PDE10A: variants seen among roughly 807,000 people sequenced by gnomAD.
The protein encoded by PDE10A is cAMP and cAMP-inhibited cGMP 3',5'-cyclic phosphodiesterase 10A.
In PDE10A, 39 loss-of-function variants were observed where a neutral mutation model predicts 97.7. That is an observed-to-expected ratio of 0.40 (90% CI 0.31 to 0.52). The LOEUF is 0.52. PDE10A is among the 20% of genes least tolerant of loss of function. The probability of loss-of-function intolerance (pLI) is 0.56; values close to 1 mark genes in which losing one functional copy is unlikely to be tolerated. For missense variants in PDE10A, 731 were observed against 1,047.8 expected, an observed-to-expected ratio of 0.70 and a Z score of 4.17; for synonymous variants, 371 against 376.8, an observed-to-expected ratio of 0.98 and a Z score of 0.18.
At chr6:165,653,354 G>A (rs762843441) in intron 1 of PDE10A, among the ~76,000 whole-genome samples, 1 of 152,198 alleles carries the variant, frequency 6.6e-6, no homozygotes, top group Non-Finnish European at 1.5e-5. Context: ...GCACCAGCAA[G>A]GATGGAAGCA....
chr6:165,733,920 T>C (rs1057132874), intron 1 of PDE10A, among the ~76,000 whole-genome samples: 1 of 152,026 alleles, frequency 6.6e-6, no homozygotes, highest in African/African-American at 2.4e-5. Flanking sequence ...CCTCTAGTTA[T>C]GGTTACACCT....
intron 1 of PDE10A, among the ~76,000 whole-genome samples, chr6:165,757,706 CTT>C (rs1793149755): frequency 6.6e-6 from 1 of 152,004 alleles, no homozygotes; most frequent in African/African-American, 2.4e-5. Context: ...TATAGTATGT[CTT>C]TGTGATTCTG....
At chr6:165,341,605 A>AC (rs1444526916) in intron 19 of PDE10A, among the ~76,000 whole-genome samples, 3 of 152,076 alleles carry the variant, frequency 2.0e-5, no homozygotes, top group Non-Finnish European at 4.4e-5. Flanking sequence ...CGATCCTTAC[A>AC]CGGGATTCAT....
intron 21 of PDE10A, among the ~76,000 whole-genome samples, chr6:165,333,469 CGT>C (rs1443728710): frequency 2.0e-5 from 3 of 152,078 alleles, no homozygotes; most frequent in African/African-American, 7.2e-5. Flanking sequence ...TACGCGGGAT[CGT>C]GCAAAGGAGG....
intron 1 of PDE10A, among the ~76,000 whole-genome samples, chr6:165,837,199 T>TAA (rs201737058): frequency 1.6e-4 from 21 of 128,100 alleles, no homozygotes; most frequent in African/African-American, 6.9e-4. Flanking sequence ...TAAAGTATAA[T>TAA]AAAAAAAAAA....
chr6:165,754,321 T>C (rs1431791629), intron 1 of PDE10A: 1 of 152,194 alleles, frequency 6.6e-6, no homozygotes. Flanking sequence ...AACACAGATT[T>C]GGAAACATCT....
intron 1 of PDE10A, among the ~76,000 whole-genome samples, chr6:165,643,629 T>C (rs986177032): frequency 1.3e-5 from 2 of 152,152 alleles, no homozygotes; most frequent in South Asian, 2.1e-4. Context: ...TCGCTTATAT[T>C]TGGAACTTTT....
intron 1 of PDE10A, among the ~76,000 whole-genome samples, chr6:165,794,137 ACACT>A (rs1247566343): frequency 3.3e-4 from 50 of 151,004 alleles, no homozygotes; most frequent in Admixed American, 1.5e-3. Flanking sequence ...ACACACGCTC[ACACT>A]CACTCACACA....
intron 1 of PDE10A, among the ~76,000 whole-genome samples, chr6:165,544,054 G>A (rs1389621134): frequency 6.6e-6 from 1 of 152,060 alleles, no homozygotes; most frequent in African/African-American, 2.4e-5. Context: ...TATTTTTTCG[G>A]TATATAGTTA....
intron 1 of PDE10A, chr6:165,947,081 G>C (rs1783795981): frequency 6.6e-6 from 1 of 152,050 alleles, no homozygotes; most frequent in Admixed American, 6.6e-5. Flanking sequence ...CTTTCCTTAG[G>C]TTGCTCCTAA....
chr6:165,777,935 T>C (rs775420411), intron 1 of PDE10A, among the ~76,000 whole-genome samples: 7 of 152,134 alleles, frequency 4.6e-5, no homozygotes, highest in Non-Finnish European at 1.0e-4. Context: ...CATTACCTCC[T>C]TTAAAAAAAT....
At chr6:165,944,839 A>T (rs929979015) in intron 1 of PDE10A, among the ~76,000 whole-genome samples, 4 of 152,288 alleles carry the variant, frequency 2.6e-5, no homozygotes, top group Non-Finnish European at 4.4e-5. Flanking sequence ...TTGAAAAAAA[A>T]GTATCTTCTA....
At chr6:165,359,110 G>A (rs1267287073) in intron 18 of PDE10A, among the ~76,000 whole-genome samples, 6 of 151,796 alleles carry the variant, frequency 4.0e-5, no homozygotes, top group Admixed American at 3.9e-4. Flanking sequence ...TCTTACCCTA[G>A]TATTATTTTT....
chr6:165,510,289 T>A (rs1401435187), intron 2 of PDE10A, among the ~76,000 whole-genome samples: 1 of 151,938 alleles, frequency 6.6e-6, no homozygotes, highest in Non-Finnish European at 1.5e-5. Flanking sequence ...AATGAGATGA[T>A]CATATGGTTT....
At position 165,332,742 on chromosome 6, in the gene PDE10A, G is replaced by A. The variant is rs1781409051; in HGVS notation, c.*283C>T. 3 of 413,996 alleles carry A rather than the reference G, an allele frequency of 7.2e-6. No individual in the cohort carries two copies. Among genetic ancestry groups the A allele is most frequent in the Non-Finnish European group, 1.3e-5 (3 of 230,922 alleles). 25.6% of individuals were successfully genotyped at this position (413,996 alleles called of 1,614,324 possible). A position where few individuals can be genotyped will look rare whatever the true frequency, so the allele number is the denominator to read the frequency against. On this transcript the variant is annotated 3_prime_UTR_variant, in exon 22 of 22. Transcript: ENST00000539869. ...TTCCTTTAAGGCCTCAGCAATATTA[G>A]CCTATTAGAAAAGGCTGGTTTGCAA... is the stretch of plus-strand genomic sequence containing the variant.
At chr6:165,812,890 G>C (rs1031891317) in intron 1 of PDE10A, among the ~76,000 whole-genome samples, 2 of 152,008 alleles carry the variant, frequency 1.3e-5, no homozygotes, top group African/African-American at 4.8e-5. Flanking sequence ...GTGTGGGAGG[G>C]GGAATTAGAT....
intron 15 of PDE10A, among the ~76,000 whole-genome samples, chr6:165,394,955 G>C (rs896418966): frequency 3.3e-5 from 5 of 152,074 alleles, no homozygotes; most frequent in African/African-American, 1.2e-4. Flanking sequence ...TTTTTAACCA[G>C]GCTACAACCA....
At position 165,794,198 on chromosome 6, in the gene PDE10A, G is replaced by A. The variant is rs573407351; in HGVS notation, c.-615+193331C>T. Among the ~76,000 whole-genome samples the A allele has an allele frequency of 1.0e-4, 14 of 134,310 alleles. No individual in the cohort carries two copies. The East Asian group carries it at 2.3e-3, about 22-fold the overall frequency. The allele number at this position is 134,310 out of a possible 152,430, so 88.1% of individuals were successfully genotyped here. ...CTCCCTCCCACACTCACGCACTCAC[G>A]CTCACACACACTCATCACACAATCA... On this transcript the variant is annotated intron_variant, in intron 1 of 19. Transcript: ENST00000366882.
At chr6:165,508,936 T>C (rs1361683462) in intron 2 of PDE10A, among the ~76,000 whole-genome samples, 1 of 152,022 alleles carries the variant, frequency 6.6e-6, no homozygotes, top group African/African-American at 2.4e-5. Flanking sequence ...ATCAGACCCC[T>C]GCACCTACAG....
Sources: allele counts gnomAD v4.1 joint callset (sites outside exome capture counted in the v4.1 genomes callset), GRCh38; gene constraint gnomAD v4.1.1; transcripts MANE v1.5; gene names NCBI Gene and HGNC (gene_info 2026-07-23, HGNC 2026-07-21).